TTC6: variants seen among roughly 807,000 people sequenced by gnomAD.
TTC6 encodes the protein tetratricopeptide repeat domain 6, also known as tetratricopeptide repeat protein 6.
Under a neutral mutation model 210.4 loss-of-function variants are expected in TTC6, and 172 were observed. The ratio of observed to expected loss-of-function variants is 0.82; its 90% CI spans 0.72 to 0.93. TTC6 has a LOEUF of 0.93. Ranked by LOEUF, TTC6 falls within the 40% of genes least tolerant of loss-of-function variation. The pLI is 0.00. For synonymous variants in TTC6, 804 were observed against 819.6 expected (o/e 0.98, Z 0.32); for missense variants, 2,414 against 2,318.1 (o/e 1.04, Z -0.85).
intron 5 of TTC6, among the ~76,000 whole-genome samples, chr14:37,708,534 TTATTA>T (rs2095839422): frequency 6.6e-6 from 1 of 152,108 alleles, no homozygotes; most frequent in Non-Finnish European, 1.5e-5. Flanking sequence ...AATGTGGCTT[TTATTA>T]TATTCTACTG....
intron 20 of TTC6, chr14:37,802,534 G>C (rs1241885995): frequency 6.6e-6 from 1 of 152,120 alleles, no homozygotes; most frequent in African/African-American, 2.4e-5. Flanking sequence ...CCGACACATT[G>C]ATAGCAGCTT....
At chr14:37,820,217 G>A (rs897756320) in intron 26 of TTC6, among the ~76,000 whole-genome samples, 1 of 152,156 alleles carries the variant, frequency 6.6e-6, no homozygotes, top group Non-Finnish European at 1.5e-5. Context: ...GGTGCAGGAG[G>A]CTGGGAAGCC....
chr14:37,684,587 A>C (rs1464488788), intron 3 of TTC6, among the ~76,000 whole-genome samples: 6 of 152,152 alleles, frequency 3.9e-5, no homozygotes, highest in Admixed American at 1.3e-4. Flanking sequence ...TGTCTAATAA[A>C]ATATTATGCC....
intron 3 of TTC6, among the ~76,000 whole-genome samples, chr14:37,690,419 A>G (rs1344134960): frequency 2.0e-5 from 3 of 152,118 alleles, no homozygotes; most frequent in East Asian, 1.9e-4. Context: ...TCTCCAATCA[A>G]TAGACACAGA....
intron 14 of TTC6, among the ~76,000 whole-genome samples, chr14:37,766,176 T>C (rs2095998737): frequency 6.6e-6 from 1 of 152,222 alleles, no homozygotes; most frequent in South Asian, 2.1e-4. Flanking sequence ...CTCTTCCTTC[T>C]GGAACTCACA....
At chr14:37,827,418 A>G in intron 29 of TTC6, 52 bp downstream of exon 31, 4 of 1,549,156 alleles carry the variant, frequency 2.6e-6, no homozygotes, top group Non-Finnish European at 3.5e-6. Context: ...TGCTTTCTTT[A>G]TTATATATAG....
chr14:37,657,212 CAAAAAAAAAAAA>C (rs61052302), intron 1 of TTC6, among the ~76,000 whole-genome samples: 2 of 35,622 alleles, frequency 5.6e-5, no homozygotes, highest in South Asian at 1.4e-3. Context: ...AACTCTGTCT[CAAAAAAAAAAAA>C]AAAAAAAAAA....
intron 14 of TTC6, among the ~76,000 whole-genome samples, chr14:37,760,967 C>T (rs2095982612): frequency 6.6e-6 from 1 of 152,132 alleles, no homozygotes; most frequent in South Asian, 2.1e-4. Flanking sequence ...GGAGTGGGAC[C>T]CACTGAGTGA....
intron 16 of TTC6, among the ~76,000 whole-genome samples, chr14:37,791,771 T>G (rs1043329113): frequency 4.6e-5 from 7 of 152,190 alleles, no homozygotes; most frequent in African/African-American, 1.4e-4. Flanking sequence ...ATTTCTCTAC[T>G]GAAAATCAGT....
chr14:37,672,754 T>A (rs1241876262), intron 1 of TTC6, among the ~76,000 whole-genome samples: 2 of 152,014 alleles, frequency 1.3e-5, no homozygotes, highest in East Asian at 1.9e-4. Flanking sequence ...TCTGGAAACA[T>A]TTTTTTCTGA....
chr14:37,695,097 G>A (rs1209386682), intron 3 of TTC6, among the ~76,000 whole-genome samples: 2 of 147,350 alleles, frequency 1.4e-5, no homozygotes, highest in African/African-American at 5.0e-5. Flanking sequence ...AACATGGAAG[G>A]AACTGGAGAT....
At chr14:37,698,215 T>C (rs2095818277) in intron 4 of TTC6, among the ~76,000 whole-genome samples, 1 of 152,156 alleles carries the variant, frequency 6.6e-6, no homozygotes, top group South Asian at 2.1e-4. Context: ...TTTAATCAAT[T>C]TTCAACCTAA....
chr14:37,680,147 C>G lies in TTC6; in HGVS notation c.940-4C>G. The G allele has an allele frequency of 1.3e-6, 2 of 1,500,104 alleles. No individual in the cohort carries two copies. The allele number at this position is 1,500,104 out of a possible 1,614,324, so 92.9% of individuals were successfully genotyped here. A position where few individuals can be genotyped will look rare whatever the true frequency, so the allele number is the denominator to read the frequency against. On this transcript the variant is annotated splice_polypyrimidine_tract_variant and splice_region_variant and intron_variant, in intron 1 of 30. Transcript: ENST00000553443. ...CATCACTTTGTTTCCTTTTCTCATT[C>G]AAGGATATTTCTTTAATGGGAAAAA...
At chr14:37,729,528 G>A (rs2095880657) in intron 7 of TTC6, among the ~76,000 whole-genome samples, 1 of 152,196 alleles carries the variant, frequency 6.6e-6, no homozygotes, top group Admixed American at 6.5e-5. Flanking sequence ...TAGAGCAGAT[G>A]CATTCCTGCT....
chr14:37,800,965 A>T (rs2096105207), intron 20 of TTC6, among the ~76,000 whole-genome samples: 1 of 152,198 alleles, frequency 6.6e-6, no homozygotes, highest in South Asian at 2.1e-4. Context: ...CCAGAAGGCA[A>T]GACTAGGAAC....
intron 1 of TTC6, among the ~76,000 whole-genome samples, chr14:37,637,952 T>TA (rs1483632269): frequency 1.3e-5 from 2 of 152,212 alleles, no homozygotes; most frequent in African/African-American, 4.8e-5. Context: ...AGCATGCTAC[T>TA]ACTATGTGAT....
Position 37,790,926 on chromosome 14 carries a change from T to C in TTC6, c.3557+89T>C. On this transcript the variant is annotated intron_variant, in intron 16 of 30. Coordinates refer to ENST00000553443, the Ensembl canonical transcript of TTC6. ...AGAAAAAGTTTCTTTCCCCTCATCA[T>C]TGATAACCTAGAAAAAATGAGACAC... 4 of 1,124,468 alleles carry C rather than the reference T, an allele frequency of 3.6e-6. No homozygotes were observed. The East Asian group carries it at 1.1e-4, about 30-fold the overall frequency. 69.7% of individuals were successfully genotyped at this position (1,124,468 alleles called of 1,614,324 possible).
chr14:37,660,514 G>A (rs1162052366), intron 1 of TTC6, among the ~76,000 whole-genome samples: 1 of 151,542 alleles, frequency 6.6e-6, no homozygotes, highest in African/African-American at 2.4e-5. Flanking sequence ...TTAGTTTGCT[G>A]AGGATAATGG....
intron 2 of TTC6, among the ~76,000 whole-genome samples, chr14:37,611,815 A>T (rs1398979018): frequency 6.6e-6 from 1 of 152,022 alleles, no homozygotes. Context: ...TGGTTGCCCC[A>T]CTAGGGTCGA....
Sources: allele counts gnomAD v4.1 joint callset (sites outside exome capture counted in the v4.1 genomes callset), GRCh38; gene constraint gnomAD v4.1.1; transcripts MANE v1.5; gene names NCBI Gene and HGNC (gene_info 2026-07-23, HGNC 2026-07-21).